MAN1B1: variants seen among roughly 807,000 people sequenced by gnomAD.
The protein encoded by MAN1B1 is endoplasmic reticulum mannosyl-oligosaccharide 1,2-alpha-mannosidase.
Under a neutral mutation model 75.5 loss-of-function variants are expected in MAN1B1, and 66 were observed. That is an observed-to-expected ratio of 0.87 (90% CI 0.72 to 1.07). MAN1B1 has a LOEUF of 1.07. MAN1B1 is among the 50% of genes least tolerant of loss of function. The pLI, the probability that MAN1B1 is intolerant of heterozygous loss-of-function variation, is 0.00. For synonymous variants in MAN1B1, 453 were observed against 382.8 expected, an observed-to-expected ratio of 1.18 and a Z score of -2.14; for missense variants, 973 against 912.5, an observed-to-expected ratio of 1.07 and a Z score of -0.85.
At chr9:137,088,478 A>C (rs1416235160) in intron 2 of MAN1B1, 3 of 1,450,074 alleles carry the variant, frequency 2.1e-6, no homozygotes, top group Non-Finnish European at 2.8e-6. Context: ...TAACCACACA[A>C]ATTTCGTAGC....
At chr9:137,091,948 A>G (rs1044600264) in intron 3 of MAN1B1, among the ~76,000 whole-genome samples, 17 of 152,228 alleles carry the variant, frequency 1.1e-4, no homozygotes, top group African/African-American at 4.1e-4. Flanking sequence ...ATAAGACACC[A>G]CACCTGTCTG....
In MAN1B1 at chr9:137,107,664, T is replaced by G; in HGVS notation, c.1896+2T>G. On this transcript the variant is annotated splice_donor_variant, in intron 12 of 12. Coordinates refer to ENST00000371589, the MANE Select transcript of MAN1B1 (RefSeq NM_016219.5). LOFTEE classifies it high-confidence loss of function. ...CAGAGCTTCAGCCGATTCACACGGG[T>G]GAGCACCTGTCCTCGCCCCGCGTGG... 1.2e-6 allele frequency: 2 copies of G among 1,609,514 alleles called. No homozygotes were observed. The highest frequency in any genetic ancestry group is 1.7e-6 in the Non-Finnish European group (2 of 1,179,914).
chr9:137,093,774 C>T (rs1398665427), intron 3 of MAN1B1, among the ~76,000 whole-genome samples: 2 of 151,724 alleles, frequency 1.3e-5, no homozygotes, highest in African/African-American at 4.8e-5. Flanking sequence ...GCGGAGGTTG[C>T]AGTGAGCCGA....
At chr9:137,103,178 G>A (rs199918618) in intron 8 of MAN1B1, 39 of 353,662 alleles carry the variant, frequency 1.1e-4, no homozygotes, top group Non-Finnish European at 1.1e-4. Context: ...CAGGTCGGTG[G>A]TACACACATT....
chr9:137,098,394 C>A (rs1201747678), intron 5 of MAN1B1, among the ~76,000 whole-genome samples: 1 of 152,250 alleles, frequency 6.6e-6, no homozygotes. Flanking sequence ...ACTCACCCTC[C>A]CGTTCTCCAG....
intron 2 of MAN1B1, 58 bp from the exon 3 acceptor site, chr9:137,088,811 T>C: frequency 3.1e-6 from 5 of 1,598,872 alleles, no homozygotes; most frequent in Non-Finnish European, 4.3e-6. Context: ...TATAAAGCAG[T>C]TTAAATCTCT....
rs377159135 is a variant in MAN1B1, at chr9:137,099,781, C to T, written c.816C>T (p.Asp272=). ...KGYRKFAWGH[D]ELKPVSRSFS... is the part of the protein sequence containing the mutation. The stretch of plus-strand genomic sequence containing the variant: ...ACCGCAAGTTTGCATGGGGCCATGA[C>T]GAGCTGAAGCCTGTGTCCAGGTCCT... Residue 272 remains aspartate, a synonymous_variant, in exon 6 of 13, where the codon GAC becomes GAT. Transcript: ENST00000371589. The T allele has an allele frequency of 1.2e-5, 20 of 1,614,236 alleles. No individual in the cohort carries two copies. Among genetic ancestry groups the T allele is most frequent in the Middle Eastern group, 1.6e-4 (1 of 6,062 alleles).
chr9:137,094,914 A>G (rs532345719), intron 3 of MAN1B1, among the ~76,000 whole-genome samples: 1 of 151,462 alleles, frequency 6.6e-6, no homozygotes, highest in African/African-American at 2.4e-5. Context: ...CAGGCTGGGC[A>G]TGGTGGCTCA....
chr9:137,087,082 C>G lies in MAN1B1; in HGVS notation c.83C>G (p.Pro28Arg), dbSNP rs1027972188. Residue 28 changes from proline to arginine, a missense_variant, in exon 1 of 13, where the codon CCT becomes CGT. By Grantham distance (103) the Pro-to-Arg change is moderately radical (BLOSUM62 -2). Transcript: ENST00000371589. Reference sequence around the variant, plus strand: ...CTGACGCCGCCAGTGGGCGGGGCCCCTTGGGCCGTCGCCACCACTGTAGTC... The same window carrying G: ...CTGACGCCGCCAGTGGGCGGGGCCCGTTGGGCCGTCGCCACCACTGTAGTC... ...DFLTPPVGGA[P>R]WAVATTVVMY... 6.2e-7 allele frequency: 1 copy of G among 1,600,834 alleles called. No homozygotes were observed. Among genetic ancestry groups the G allele is most frequent in the South Asian group, 1.1e-5 (1 of 88,758 alleles).
intron 5 of MAN1B1, 32 bp from the exon 6 acceptor site, chr9:137,099,664 C>T (rs778485494): frequency 2.1e-5 from 34 of 1,611,954 alleles, no homozygotes; most frequent in Admixed American, 1.0e-4. Flanking sequence ...GGACCACGTC[C>T]GCCATGGCCT....
chr9:137,087,407 G>A (rs1339697813), intron 1 of MAN1B1, 189 bp downstream of exon 1: 3 of 781,222 alleles, frequency 3.8e-6, no homozygotes, highest in Non-Finnish European at 4.3e-6. Flanking sequence ...CGCCTGCAGC[G>A]GTCTCAGCGG....
At chr9:137,107,767 GA>G in intron 12 of MAN1B1, 105 bp downstream of exon 12, 1 of 1,569,902 alleles carries the variant, frequency 6.4e-7, no homozygotes, top group Non-Finnish European at 8.7e-7. Flanking sequence ...CTGTGACCTG[GA>G]TCCGGGAGGG....
rs75495801 is a variant in MAN1B1 at position 137,089,385 on chromosome 9, G to A, written c.465+380G>A. The A allele has an allele frequency of 3.3e-5, 11 of 338,076 alleles. No homozygotes were observed. The East Asian group carries it at 8.6e-4, about 26-fold the overall frequency. 20.9% of individuals were successfully genotyped at this position (338,076 alleles called of 1,614,324 possible). A position where few individuals can be genotyped will look rare whatever the true frequency, so the allele number is the denominator to read the frequency against. Reference sequence around the variant, plus strand: ...GGGCGCTGGTGAAGAACAGTGGCTGGTCCTGAGGGTTCAGGGGAGGCCGTG... The same window carrying A: ...GGGCGCTGGTGAAGAACAGTGGCTGATCCTGAGGGTTCAGGGGAGGCCGTG... On this transcript the variant is annotated intron_variant, in intron 3 of 12. Coordinates refer to ENST00000371589, the MANE Select transcript of MAN1B1 (RefSeq NM_016219.5).
chr9:137,107,569 G>A lies in MAN1B1; in HGVS notation c.1803G>A (p.Val601=), dbSNP rs760245838. ...ACAACCTGCTGCGGCCAGAGACCGT[G>A]GAGAGCCTGTTCTACCTGTACCGCG... ...DRHNLLRPET[V]ESLFYLYRVT... The change falls in exon 12 of 13, where the codon GTG becomes GTA. Residue 601 remains valine, a synonymous_variant. Transcript: ENST00000371589. The A allele has an allele frequency of 1.2e-6, 2 of 1,612,706 alleles. No individual in the cohort carries two copies. The highest frequency in any genetic ancestry group is 3.3e-5 in the Admixed American group (2 of 60,036).
intron 3 of MAN1B1, among the ~76,000 whole-genome samples, chr9:137,094,166 C>T (rs1830593791): frequency 6.6e-6 from 1 of 151,740 alleles, no homozygotes; most frequent in South Asian, 2.1e-4. Context: ...AGGGATGTGC[C>T]ACCACGCCCG....
intron 4 of MAN1B1, among the ~76,000 whole-genome samples, chr9:137,096,795 C>T (rs893003402): frequency 2.0e-5 from 3 of 152,214 alleles, no homozygotes; most frequent in South Asian, 2.1e-4. Flanking sequence ...GTCCTCTGCC[C>T]GGTTCGTCAA....
At chr9:137,091,637 C>T (rs767549922) in intron 3 of MAN1B1, among the ~76,000 whole-genome samples, 2 of 150,178 alleles carry the variant, frequency 1.3e-5, no homozygotes, top group African/African-American at 2.4e-5. Context: ...TGCCATTCTC[C>T]TGCCTTGGCC....
At chr9:137,098,423 G>A (rs1830715565) in intron 5 of MAN1B1, among the ~76,000 whole-genome samples, 1 of 152,234 alleles carries the variant, frequency 6.6e-6, no homozygotes, top group Non-Finnish European at 1.5e-5. Flanking sequence ...GCAGGGCTGA[G>A]GACAGCCACC....
intron 12 of MAN1B1, chr9:137,107,866 C>A (rs1831176015): frequency 2.8e-6 from 2 of 704,630 alleles, no homozygotes; most frequent in Admixed American, 2.4e-5. Context: ...GTTGTGGGAC[C>A]CAGAGTACTT....
Sources: allele counts gnomAD v4.1 joint callset (sites outside exome capture counted in the v4.1 genomes callset), GRCh38; gene constraint gnomAD v4.1.1; transcripts MANE v1.5; gene names NCBI Gene and HGNC (gene_info 2026-07-23, HGNC 2026-07-21).